The following PPP1R12B variants were observed in gnomAD, a reference collection of about 807,000 sequenced individuals.
PPP1R12B encodes myosin phosphatase target subunit 2.
A neutral mutation model predicts 126.1 loss-of-function variants in PPP1R12B; 76 were observed. The ratio of observed to expected loss-of-function variants is 0.60; its 90% CI spans 0.50 to 0.73. The LOEUF (loss-of-function observed/expected upper bound fraction) is 0.73, where lower values mean the gene tolerates loss of function less well. Ranked by LOEUF, PPP1R12B falls within the 30% of genes least tolerant of loss-of-function variation. The pLI is 0.00. For synonymous variants in PPP1R12B, 356 were observed against 434.7 expected (o/e 0.82, Z 2.25); for missense variants, 1,052 against 1,205.1 (o/e 0.87, Z 1.88).
intron 14 of PPP1R12B, among the ~76,000 whole-genome samples, chr1:202,492,546 C>T (rs1644476158): frequency 6.6e-6 from 1 of 152,162 alleles, no homozygotes; most frequent in Non-Finnish European, 1.5e-5. Context: ...CCCTGTGACA[C>T]TGTGGGGGGA....
intron 18 of PPP1R12B, among the ~76,000 whole-genome samples, chr1:202,555,324 T>TAAAAAAAAA (rs1686776254): frequency 4.0e-4 from 2 of 5,008 alleles, no homozygotes; most frequent in Non-Finnish European, 8.3e-4. Flanking sequence ...CCTGTTTTAA[T>TAAAAAAAAA]GAAAAAAAAA....
At chr1:202,511,940 T>G (rs1681572107) in intron 18 of PPP1R12B, among the ~76,000 whole-genome samples, 1 of 152,092 alleles carries the variant, frequency 6.6e-6, no homozygotes, top group Non-Finnish European at 1.5e-5. Flanking sequence ...GATATTTCTA[T>G]TAGACATCCA....
intron 1 of PPP1R12B, among the ~76,000 whole-genome samples, chr1:202,378,070 C>T (rs1661543529): frequency 1.3e-5 from 2 of 151,470 alleles, no homozygotes; most frequent in South Asian, 4.2e-4. Flanking sequence ...GATCTCCTGA[C>T]CTCGTGATCC....
intron 1 of PPP1R12B, among the ~76,000 whole-genome samples, chr1:202,395,888 A>G (rs1444567733): frequency 6.6e-6 from 1 of 152,254 alleles, no homozygotes; most frequent in Non-Finnish European, 1.5e-5. Context: ...AAAATCACCA[A>G]ATAGTATACG....
At chr1:202,423,647 C>T (rs1558206167) in intron 3 of PPP1R12B, among the ~76,000 whole-genome samples, 1 of 152,016 alleles carries the variant, frequency 6.6e-6, no homozygotes, top group African/African-American at 2.4e-5. Flanking sequence ...CTTTTGCTGC[C>T]TTTCATGTAT....
At chr1:202,520,023 T>G (rs1364240063) in intron 18 of PPP1R12B, among the ~76,000 whole-genome samples, 1 of 152,244 alleles carries the variant, frequency 6.6e-6, no homozygotes, top group Non-Finnish European at 1.5e-5. Context: ...ATCTGGTGAT[T>G]CTTTCATTTG....
intron 13 of PPP1R12B, among the ~76,000 whole-genome samples, chr1:202,469,520 A>G (rs1340646939): frequency 2.6e-5 from 4 of 152,192 alleles, no homozygotes; most frequent in Non-Finnish European, 5.9e-5. Flanking sequence ...TGGGGTGACT[A>G]CCAAGTAGCA....
In PPP1R12B at chr1:202,582,314, C is replaced by A. The variant is rs780389875; in HGVS notation, c.*1754C>A. 6.6e-6 allele frequency: 1 copy of A among 152,598 alleles called. No homozygotes were observed. Among genetic ancestry groups the A allele is most frequent in the Non-Finnish European group, 1.5e-5 (1 of 68,038 alleles). 9.5% of individuals were successfully genotyped at this position (152,598 alleles called of 1,614,324 possible). A position where few individuals can be genotyped will look rare whatever the true frequency, so the allele number is the denominator to read the frequency against. The stretch of plus-strand genomic sequence containing the variant: ...GTCCAGGCCTGGAAAGAATACAAAT[C>A]CAGTGCAAAATTAAACCATTAGTTC... On this transcript the variant is annotated 3_prime_UTR_variant, in exon 24 of 24. Transcript: ENST00000608999.
intron 1 of PPP1R12B, among the ~76,000 whole-genome samples, chr1:202,362,245 A>G (rs1381697952): frequency 1.3e-5 from 2 of 151,986 alleles, no homozygotes; most frequent in Admixed American, 6.6e-5. Context: ...TTCCTCTTGT[A>G]TTGATTTTCC....
chr1:202,523,403 T>C (rs1213992558), intron 18 of PPP1R12B, among the ~76,000 whole-genome samples: 1 of 152,172 alleles, frequency 6.6e-6, no homozygotes, highest in Non-Finnish European at 1.5e-5. Flanking sequence ...GTATATCTTA[T>C]TGACAGGTTG....
At chr1:202,439,167 C>T (rs1049226488) in intron 10 of PPP1R12B, 12 of 1,575,222 alleles carry the variant, frequency 7.6e-6, no homozygotes, top group East Asian at 2.2e-5. Flanking sequence ...AACAACCTGG[C>T]GGCCTCGCAG....
intron 13 of PPP1R12B, among the ~76,000 whole-genome samples, chr1:202,454,191 C>A (rs1182020801): frequency 1.3e-5 from 2 of 152,182 alleles, no homozygotes; most frequent in Non-Finnish European, 2.9e-5. Context: ...CTTAGTTTTA[C>A]TGCCTTCTGG....
chr1:202,389,393 C>T (rs1015308775), intron 1 of PPP1R12B, among the ~76,000 whole-genome samples: 56 of 152,088 alleles, frequency 3.7e-4, no homozygotes, highest in Non-Finnish European at 6.0e-4. Flanking sequence ...GCCTGTAATC[C>T]CAGCACTTTG....
intron 1 of PPP1R12B, among the ~76,000 whole-genome samples, chr1:202,362,868 CTG>C (rs1378717696): frequency 8.5e-5 from 13 of 152,128 alleles, no homozygotes; most frequent in Non-Finnish European, 1.9e-4. Flanking sequence ...GAGTTTCCCT[CTG>C]TTGCCCAGGC....
chr1:202,416,957 A>G (rs1270738741), intron 2 of PPP1R12B, 40 bp downstream of exon 2: 10 of 1,580,924 alleles, frequency 6.3e-6, no homozygotes, highest in African/African-American at 1.4e-5. Flanking sequence ...TAGTATTTGT[A>G]GGAATAGCCT....
chr1:202,418,384 A>G (rs1668351496), intron 2 of PPP1R12B, among the ~76,000 whole-genome samples: 1 of 152,146 alleles, frequency 6.6e-6, no homozygotes, highest in Admixed American at 6.5e-5. Flanking sequence ...TCACTTTTCT[A>G]AGGAGAGCTC....
At position 202,438,286 on chromosome 1, in the gene PPP1R12B, A is replaced by G. The variant is rs769635569; in HGVS notation, c.1458+262A>G. On this transcript the variant is annotated intron_variant, in intron 10 of 23. Coordinates refer to ENST00000608999, the MANE Select transcript of PPP1R12B (RefSeq NM_002481.4). Reference sequence around the variant, plus strand: ...TTCAATCTTCCTTGCCCCCTTACCTAAAGCAAAAAATGGATCAGCAACATA... The same window carrying G: ...TTCAATCTTCCTTGCCCCCTTACCTGAAGCAAAAAATGGATCAGCAACATA... 28 of 1,546,356 alleles carry G rather than the reference A, an allele frequency of 1.8e-5. No individual in the cohort carries two copies. The South Asian group carries it at 3.2e-4, about 18-fold the overall frequency.
intron 18 of PPP1R12B, among the ~76,000 whole-genome samples, chr1:202,497,079 C>T (rs777429432): frequency 1.4e-4 from 22 of 152,252 alleles, no homozygotes; most frequent in Middle Eastern, 3.4e-3. Context: ...GTTATAGGAT[C>T]CATCATTTTC....
At chr1:202,353,211 T>A (rs1370631018) in intron 1 of PPP1R12B, among the ~76,000 whole-genome samples, 1 of 152,206 alleles carries the variant, frequency 6.6e-6, no homozygotes. Context: ...TATGGTAAAA[T>A]AAAACTTGTG....
Sources: gnomAD v4.1 joint callset for allele counts (sites outside exome capture counted in the v4.1 genomes callset) on GRCh38, gnomAD v4.1.1 for gene constraint, MANE v1.5 for transcripts, NCBI Gene and HGNC (gene_info 2026-07-23, HGNC 2026-07-21) for gene names.